Variants in AQP9 observed in about 807,000 individuals in gnomAD.
The protein encoded by AQP9 is aquaporin-9.
Under a neutral mutation model 23.8 loss-of-function variants are expected in AQP9, and 19 were observed. The observed-to-expected ratio is 0.80, with a 90% CI of 0.56 to 1.17. The LOEUF (loss-of-function observed/expected upper bound fraction) is 1.17. Ranked by LOEUF, AQP9 falls within the 50% of genes most tolerant of loss-of-function variation. The pLI, the probability that AQP9 is intolerant of heterozygous loss-of-function variation, is 0.00. For missense variants in AQP9, 413 were observed against 362.0 expected, an observed-to-expected ratio of 1.14 and a Z score of -1.14; for synonymous variants, 153 against 131.5, an observed-to-expected ratio of 1.16 and a Z score of -1.12.
At chr15:58,165,975 C>G (rs1898493555) in intron 1 of AQP9, among the ~76,000 whole-genome samples, 1 of 152,218 alleles carries the variant, frequency 6.6e-6, no homozygotes, top group Non-Finnish European at 1.5e-5. Context: ...ATTGCCAAAT[C>G]TATCCCCCTA....
At chr15:58,180,721 G>A (rs981757897) in intron 5 of AQP9, among the ~76,000 whole-genome samples, 2 of 152,160 alleles carry the variant, frequency 1.3e-5, no homozygotes, top group African/African-American at 4.8e-5. Flanking sequence ...GGCTGGACCT[G>A]AGGGAAGGGG....
At chr15:58,183,047 T>A (rs957147173) in intron 5 of AQP9, among the ~76,000 whole-genome samples, 10 of 152,328 alleles carry the variant, frequency 6.6e-5, no homozygotes, top group Non-Finnish European at 1.0e-4. Context: ...AGCATAATGA[T>A]GAAAAGAAAA....
At chr15:58,148,040 G>GTA (rs1898080796) in intron 1 of AQP9, among the ~76,000 whole-genome samples, 1 of 152,098 alleles carries the variant, frequency 6.6e-6, no homozygotes, top group Non-Finnish European at 1.5e-5. Flanking sequence ...ATATTTTATA[G>GTA]TATACCCTTT....
rs374114909 is a variant in AQP9, at chr15:58,138,658, G to C, written c.93G>C (p.Leu31Phe). Residue 31 changes from leucine to phenylalanine, a missense_variant, in exon 1 of 6, where the codon TTG (leucine) becomes TTC (phenylalanine). Coordinates refer to ENST00000219919, the MANE Select transcript of AQP9 (RefSeq NM_020980.5). Reference sequence around the variant, plus strand: ...CGAAAGAAACCCTCTCTGAGTTCTTGGGCACGTTCATCTTGATTGTAAGTA... The same window carrying C: ...CGAAAGAAACCCTCTCTGAGTTCTTCGGCACGTTCATCTTGATTGTAAGTA... ...SLAKETLSEFLGTFILIVLGC... is the reference protein window; with the variant it reads ...SLAKETLSEFFGTFILIVLGC... 1 of 1,613,510 alleles carries C rather than the reference G, an allele frequency of 6.2e-7. No individual in the cohort carries two copies. Among genetic ancestry groups the C allele is most frequent in the African/African-American group, 1.3e-5 (1 of 74,882 alleles).
chr15:58,182,542 G>C (rs764058622), intron 5 of AQP9, among the ~76,000 whole-genome samples: 2 of 152,154 alleles, frequency 1.3e-5, no homozygotes, highest in African/African-American at 2.4e-5. Context: ...GGAAATGATG[G>C]ACCCAACAGG....
Position 58,138,565 on chromosome 15 carries a change from G to C in AQP9, c.-1G>C. ...ACAGGAGTCCTCAGAGAAGCCCCAAGATGCAGCCTGAGGGAGCAGAAAAGG... is the reference window on the plus strand; with the variant it reads ...ACAGGAGTCCTCAGAGAAGCCCCAACATGCAGCCTGAGGGAGCAGAAAAGG... On this transcript the variant is annotated 5_prime_UTR_variant, in exon 1 of 6. Transcript: ENST00000219919. 6.2e-7 allele frequency: 1 copy of C among 1,613,620 alleles called. No homozygotes were observed. The highest frequency in any genetic ancestry group is 1.1e-5 in the South Asian group (1 of 91,064).
At chr15:58,143,984 A>G (rs953752819) in intron 1 of AQP9, among the ~76,000 whole-genome samples, 8 of 152,330 alleles carry the variant, frequency 5.3e-5, no homozygotes, top group East Asian at 1.9e-4. Flanking sequence ...CACATACTCA[A>G]CCATCCTTGA....
At chr15:58,142,600 T>C (rs1897970521) in intron 1 of AQP9, among the ~76,000 whole-genome samples, 1 of 152,170 alleles carries the variant, frequency 6.6e-6, no homozygotes, top group South Asian at 2.1e-4. Flanking sequence ...GATAAACACA[T>C]TGACCAAGCA....
chr15:58,162,193 G>A (rs1247139981), intron 1 of AQP9, among the ~76,000 whole-genome samples: 1 of 152,212 alleles, frequency 6.6e-6, no homozygotes, highest in Non-Finnish European at 1.5e-5. Flanking sequence ...TGTGTTTTAA[G>A]AGGGACACTG....
At chr15:58,144,824 G>A (rs1595726575) in intron 1 of AQP9, among the ~76,000 whole-genome samples, 2 of 151,770 alleles carry the variant, frequency 1.3e-5, no homozygotes, top group East Asian at 3.9e-4. Flanking sequence ...GACCAGCCTG[G>A]TCAATATGGT....
chr15:58,167,515 GAC>G (rs1898535142), intron 2 of AQP9, among the ~76,000 whole-genome samples: 1 of 152,284 alleles, frequency 6.6e-6, no homozygotes, highest in South Asian at 2.1e-4. Context: ...CTAAATGCCA[GAC>G]TGCCTTTATC....
rs1010838065 is a variant in AQP9, at chr15:58,138,456, C to A, written c.-110C>A. 1.3e-6 allele frequency: 1 copy of A among 783,106 alleles called. No individual in the cohort carries two copies. The highest frequency in any genetic ancestry group is 2.6e-5 in the East Asian group (1 of 38,982). The allele number at this position is 783,106 out of a possible 1,614,324, so 48.5% of individuals were successfully genotyped here. On this transcript the variant is annotated 5_prime_UTR_variant, in exon 1 of 6. Coordinates refer to ENST00000219919, the MANE Select transcript of AQP9 (RefSeq NM_020980.5). ...AGTCAGAGACTCTTACCAGACATCT[C>A]CAGGAATCTGTGAGCCATTGTCAAA...
chr15:58,173,329 T>A (rs1196990530), intron 3 of AQP9, 124 bp downstream of exon 3: 24 of 1,398,054 alleles, frequency 1.7e-5, no homozygotes, highest in Non-Finnish European at 2.2e-5. Context: ...GACAGCAAGT[T>A]CTAAATTTGA....
At chr15:58,145,898 A>T (rs957454310) in intron 1 of AQP9, among the ~76,000 whole-genome samples, 10 of 152,148 alleles carry the variant, frequency 6.6e-5, no homozygotes, top group Non-Finnish European at 8.8e-5. Flanking sequence ...AAATTAGCTG[A>T]TACATTTTAG....
At position 58,160,102 on chromosome 15, in the gene AQP9, T is replaced by A. The variant is rs1229862371; in HGVS notation, c.112-6571T>A. ...CCTCCACACTATTTTCCATAGTGGC[T>A]ATATTAGTTTACATTCCTAACAACA... On this transcript the variant is annotated intron_variant, in intron 1 of 5. Transcript: ENST00000219919. Among the ~76,000 whole-genome samples, 4 of 152,208 alleles carry A rather than the reference T, an allele frequency of 2.6e-5. No homozygotes were observed. In the East Asian group the frequency reaches 7.7e-4, roughly 29 times the overall value.
intron 2 of AQP9, among the ~76,000 whole-genome samples, chr15:58,172,645 G>A (rs1421878227): frequency 6.6e-6 from 1 of 152,098 alleles, no homozygotes. Context: ...CATGGCCGGA[G>A]GAACTGCTAG....
intron 1 of AQP9, among the ~76,000 whole-genome samples, chr15:58,156,332 A>C: frequency 6.6e-6 from 1 of 152,332 alleles, no homozygotes; most frequent in Admixed American, 6.5e-5. Context: ...TAATTGTTTA[A>C]TCATATATAG....
chr15:58,169,071 A>G (rs2414545), intron 2 of AQP9, among the ~76,000 whole-genome samples: 23,119 of 152,118 alleles, frequency 0.15, 1,823 homozygotes, highest in Non-Finnish European at 0.17. Context: ...CTGTAGGAGG[A>G]AAAAAGGGAA....
chr15:58,182,468 G>A (rs11071369), intron 5 of AQP9, among the ~76,000 whole-genome samples: 135,039 of 152,244 alleles, frequency 0.89, 60,577 homozygotes, highest in Non-Finnish European at 0.96. Context: ...TGAAGAGGAC[G>A]TGTACCCTGG....
Sources: gnomAD v4.1 joint callset for allele counts (sites outside exome capture counted in the v4.1 genomes callset) on GRCh38, gnomAD v4.1.1 for gene constraint, MANE v1.5 for transcripts, NCBI Gene and HGNC (gene_info 2026-07-23, HGNC 2026-07-21) for gene names.